The following PKNOX2 variants were observed in gnomAD, a reference collection of about 807,000 sequenced individuals.
The protein encoded by PKNOX2 is homeobox protein PKNOX2.
In PKNOX2, 14 loss-of-function variants were observed where a neutral mutation model predicts 53.1. That is an observed-to-expected ratio of 0.26 (90% CI 0.17 to 0.41). The LOEUF is 0.41. Ranked by LOEUF, PKNOX2 falls within the 10% of genes least tolerant of loss-of-function variation. The probability of loss-of-function intolerance (pLI) is 1.00; values close to 1 mark genes in which losing one functional copy is unlikely to be tolerated. For missense variants in PKNOX2, 496 were observed against 602.8 expected (o/e 0.82, Z 1.85); for synonymous variants, 257 against 242.8 (o/e 1.06, Z -0.54).
In PKNOX2 at chr11:125,200,563, G is replaced by T. The variant is rs182657420; in HGVS notation, c.-200-34482G>T. ...TGAGCCCAAGTCTCTGCCACCGCTT[G>T]CCTGGCTCATTGCAGTGCCTCCCGC... On this transcript the variant is annotated intron_variant, in intron 1 of 12. Transcript: ENST00000298282. Among the ~76,000 whole-genome samples the T allele has an allele frequency of 1.8e-4, 28 of 152,278 alleles. 1 individual carries two copies. Among genetic ancestry groups the T allele is most frequent in the Admixed American group, 9.8e-4 (15 of 15,300 alleles).
chr11:125,412,340 G>A (rs766467447), intron 10 of PKNOX2, among the ~76,000 whole-genome samples: 6 of 152,170 alleles, frequency 3.9e-5, no homozygotes, highest in African/African-American at 1.2e-4. Flanking sequence ...GGAGATGGGC[G>A]CCAAGGCTGG....
intron 1 of PKNOX2, among the ~76,000 whole-genome samples, chr11:125,203,754 C>A (rs1938728735): frequency 6.6e-6 from 1 of 152,268 alleles, no homozygotes; most frequent in Middle Eastern, 3.4e-3. Flanking sequence ...GTCCTGGGTG[C>A]TTTGGGTCAG....
At chr11:125,315,510 C>T (rs909627952) in intron 2 of PKNOX2, among the ~76,000 whole-genome samples, 1 of 152,096 alleles carries the variant, frequency 6.6e-6, no homozygotes, top group African/African-American at 2.4e-5. Context: ...TTGGTGCCAG[C>T]ACAGAGGCAG....
intron 10 of PKNOX2, among the ~76,000 whole-genome samples, chr11:125,425,743 G>T (rs1956380787): frequency 6.6e-6 from 1 of 152,226 alleles, no homozygotes; most frequent in African/African-American, 2.4e-5. Context: ...CAGAGGCCAG[G>T]ACTATTTTGA....
intron 2 of PKNOX2, among the ~76,000 whole-genome samples, chr11:125,315,303 G>GAAAAAAAAA (rs534448203): frequency 2.5e-5 from 2 of 79,440 alleles, no homozygotes; most frequent in African/African-American, 3.9e-5. Flanking sequence ...TGTGAAGCAG[G>GAAAAAAAAA]AAAAAAAAAA....
chr11:125,258,331 AG>A (rs1944574624), intron 2 of PKNOX2, among the ~76,000 whole-genome samples: 1 of 152,166 alleles, frequency 6.6e-6, no homozygotes, highest in Non-Finnish European at 1.5e-5. Flanking sequence ...ACCATTAACT[AG>A]AAATTGTCTT....
chr11:125,291,986 T>C (rs774253856), intron 2 of PKNOX2, among the ~76,000 whole-genome samples: 10 of 152,160 alleles, frequency 6.6e-5, no homozygotes, highest in Non-Finnish European at 8.8e-5. Flanking sequence ...TGAGAAGAGA[T>C]AGTGGTGATG....
intron 1 of PKNOX2, among the ~76,000 whole-genome samples, chr11:125,176,873 C>A (rs928359931): frequency 6.6e-6 from 1 of 152,234 alleles, no homozygotes; most frequent in African/African-American, 2.4e-5. Context: ...ATTCCCACAT[C>A]CCCTGTCCCC....
chr11:125,360,338 G>T (rs1288775314), intron 4 of PKNOX2, among the ~76,000 whole-genome samples: 1 of 152,132 alleles, frequency 6.6e-6, no homozygotes, highest in Non-Finnish European at 1.5e-5. Context: ...ATTTGGATTT[G>T]ATTCAGAGGA....
intron 1 of PKNOX2, among the ~76,000 whole-genome samples, chr11:125,183,546 T>C (rs961018101): frequency 3.3e-5 from 5 of 152,186 alleles, no homozygotes; most frequent in African/African-American, 1.2e-4. Flanking sequence ...ATTAAATCCC[T>C]GGCCAGCTAC....
intron 2 of PKNOX2, among the ~76,000 whole-genome samples, chr11:125,321,909 T>G (rs1270702545): frequency 1.3e-5 from 2 of 152,204 alleles, no homozygotes; most frequent in Admixed American, 1.3e-4. Flanking sequence ...CTTCTATGTG[T>G]CCTCACACAG....
intron 2 of PKNOX2, among the ~76,000 whole-genome samples, chr11:125,281,313 C>T (rs866298084): frequency 6.6e-6 from 1 of 152,218 alleles, no homozygotes; most frequent in East Asian, 1.9e-4. Flanking sequence ...TCCCTCAATG[C>T]CTTCCTGGTG....
intron 5 of PKNOX2, among the ~76,000 whole-genome samples, chr11:125,368,769 T>C (rs996089613): frequency 6.6e-6 from 1 of 152,194 alleles, no homozygotes; most frequent in African/African-American, 2.4e-5. Flanking sequence ...ACTCCCATTC[T>C]TGTACATAGT....
chr11:125,380,059 C>T (rs1188216047), intron 5 of PKNOX2, among the ~76,000 whole-genome samples: 2 of 152,066 alleles, frequency 1.3e-5, no homozygotes, highest in East Asian at 1.9e-4. Context: ...AAATGTTATT[C>T]GCGATCATCT....
At chr11:125,309,134 T>TTCCTTCCTTCCTTC (rs1948642389) in intron 2 of PKNOX2, among the ~76,000 whole-genome samples, 5 of 106,800 alleles carry the variant, frequency 4.7e-5, no homozygotes, top group African/African-American at 1.9e-4. Context: ...CCTCTTCCTT[T>TTCCTTCCTTCCTTC]CTTTCTTTCT....
chr11:125,362,501 G>A (rs1362899774), intron 4 of PKNOX2, among the ~76,000 whole-genome samples: 1 of 152,052 alleles, frequency 6.6e-6, no homozygotes, highest in Non-Finnish European at 1.5e-5. Context: ...AGCCTCTCGA[G>A]TAGCTGAGAC....
intron 2 of PKNOX2, among the ~76,000 whole-genome samples, chr11:125,244,656 A>G (rs560203085): frequency 6.6e-6 from 1 of 152,336 alleles, no homozygotes; most frequent in African/African-American, 2.4e-5. Flanking sequence ...AGTGTTTTGC[A>G]AAGTGTTTAA....
chr11:125,431,513 C>A lies in PKNOX2; in HGVS notation c.*121C>A. 2 of 1,171,160 alleles carry A rather than the reference C, an allele frequency of 1.7e-6. No homozygotes were observed. Among genetic ancestry groups the A allele is most frequent in the Admixed American group, 2.4e-5 (1 of 41,844 alleles). The allele number at this position is 1,171,160 out of a possible 1,614,324, so 72.5% of individuals were successfully genotyped here. A position where few individuals can be genotyped will look rare whatever the true frequency, so the allele number is the denominator to read the frequency against. On this transcript the variant is annotated 3_prime_UTR_variant, in exon 13 of 13. Transcript: ENST00000298282. Reference sequence around the variant, plus strand: ...CGAGGGAGTTGGGCCCTAGCTTCCCCAAATCAGTAGCTTGAAGAAAGGCAA... The same window carrying A: ...CGAGGGAGTTGGGCCCTAGCTTCCCAAAATCAGTAGCTTGAAGAAAGGCAA...
intron 1 of PKNOX2, among the ~76,000 whole-genome samples, chr11:125,198,838 CTTCTT>C (rs1565467291): frequency 5.1e-5 from 7 of 136,536 alleles, no homozygotes; most frequent in African/African-American, 1.6e-4. Flanking sequence ...TCTTCTTCTT[CTTCTT>C]TTTTTTTTTT....
Sources: gnomAD v4.1 joint callset for allele counts (sites outside exome capture counted in the v4.1 genomes callset) on GRCh38, gnomAD v4.1.1 for gene constraint, MANE v1.5 for transcripts, NCBI Gene and HGNC (gene_info 2026-07-23, HGNC 2026-07-21) for gene names.